The following MDGA2 variants were observed in gnomAD, a reference collection of about 807,000 sequenced individuals.
The protein encoded by MDGA2 is MAM domain-containing glycosylphosphatidylinositol anchor protein 2.
A neutral mutation model predicts 117.8 loss-of-function variants in MDGA2; 40 were observed. The observed-to-expected ratio is 0.34, with a 90% CI of 0.26 to 0.44. The LOEUF (loss-of-function observed/expected upper bound fraction) is 0.44. Ranked by LOEUF, MDGA2 falls within the 20% of genes least tolerant of loss-of-function variation. The pLI, the probability that MDGA2 is intolerant of heterozygous loss-of-function variation, is 1.00. For synonymous variants in MDGA2, 452 were observed against 439.0 expected (o/e 1.03, Z -0.37); for missense variants, 1,123 against 1,250.6 (o/e 0.90, Z 1.54).
chr14:47,133,696 A>T (rs1882318500), intron 4 of MDGA2, among the ~76,000 whole-genome samples: 1 of 151,948 alleles, frequency 6.6e-6, no homozygotes, highest in Admixed American at 6.6e-5. Flanking sequence ...AACATATCCT[A>T]AATTGAACTT....
intron 8 of MDGA2, among the ~76,000 whole-genome samples, chr14:46,978,805 T>C (rs1436822189): frequency 6.6e-6 from 1 of 152,162 alleles, no homozygotes; most frequent in East Asian, 1.9e-4. Flanking sequence ...TATATCTCCA[T>C]TCACATTCAG....
intron 1 of MDGA2, among the ~76,000 whole-genome samples, chr14:47,412,775 C>A (rs368850760): frequency 6.6e-6 from 1 of 152,176 alleles, no homozygotes. Context: ...TTTTCAGATG[C>A]TATTGAGGTA....
At chr14:47,031,341 T>C (rs754468845) in intron 8 of MDGA2, among the ~76,000 whole-genome samples, 11 of 152,110 alleles carry the variant, frequency 7.2e-5, no homozygotes, top group Admixed American at 1.3e-4. Flanking sequence ...TATTGTTTAA[T>C]TGGACGCAAG....
At chr14:47,100,241 T>A (rs149442576) in intron 5 of MDGA2, among the ~76,000 whole-genome samples, 1,819 of 152,204 alleles carry the variant, frequency 0.012, 39 homozygotes, top group African/African-American at 0.042. Flanking sequence ...GGGCAAAAGG[T>A]ACTATATCTA....
At chr14:47,338,881 G>A (rs1181656597) in intron 1 of MDGA2, among the ~76,000 whole-genome samples, 2 of 152,070 alleles carry the variant, frequency 1.3e-5, no homozygotes, top group African/African-American at 2.4e-5. Flanking sequence ...GCAACATTAA[G>A]GATACGTAGT....
At chr14:46,985,425 T>C (rs1390862784) in intron 8 of MDGA2, among the ~76,000 whole-genome samples, 1 of 152,060 alleles carries the variant, frequency 6.6e-6, no homozygotes, top group Non-Finnish European at 1.5e-5. Context: ...CACATTTATA[T>C]GTAATCATAC....
intron 3 of MDGA2, among the ~76,000 whole-genome samples, chr14:47,173,513 G>T (rs1023939032): frequency 1.3e-5 from 2 of 152,114 alleles, no homozygotes; most frequent in African/African-American, 2.4e-5. Context: ...TTAAAGAAAA[G>T]AATTTTCAAC....
intron 14 of MDGA2, among the ~76,000 whole-genome samples, chr14:46,864,219 T>TGA (rs1881632359): frequency 6.6e-6 from 1 of 151,214 alleles, no homozygotes; most frequent in African/African-American, 2.4e-5. Flanking sequence ...TGCATTGATG[T>TGA]GAGGGTGGTT....
chr14:47,109,310 A>G (rs1366318532), intron 5 of MDGA2, among the ~76,000 whole-genome samples: 1 of 152,198 alleles, frequency 6.6e-6, no homozygotes, highest in Non-Finnish European at 1.5e-5. Flanking sequence ...TAAACCAGTC[A>G]TCAGGCAATT....
chr14:46,875,514 T>C (rs777090172), intron 12 of MDGA2, among the ~76,000 whole-genome samples: 1 of 151,742 alleles, frequency 6.6e-6, no homozygotes, highest in Non-Finnish European at 1.5e-5. Context: ...AATAAATTTC[T>C]GAATAAACAT....
At chr14:47,441,520 ATCTAAC>A (rs1893010954) in intron 1 of MDGA2, among the ~76,000 whole-genome samples, 4 of 152,288 alleles carry the variant, frequency 2.6e-5, no homozygotes, top group African/African-American at 7.2e-5. Flanking sequence ...TTAAGAGATA[ATCTAAC>A]TCTAATTACC....
intron 1 of MDGA2, among the ~76,000 whole-genome samples, chr14:47,635,500 T>G (rs1231254550): frequency 6.6e-6 from 1 of 152,132 alleles, no homozygotes; most frequent in Non-Finnish European, 1.5e-5. Context: ...AAAAAGTTGC[T>G]CCAGTAGACA....
At chr14:47,529,116 A>G (rs1418982457) in intron 1 of MDGA2, among the ~76,000 whole-genome samples, 1 of 151,764 alleles carries the variant, frequency 6.6e-6, no homozygotes, top group Non-Finnish European at 1.5e-5. Flanking sequence ...CTCCTGTCTC[A>G]GCCTCCTGAG....
At chr14:47,479,775 CTAAT>C (rs1199963434) in intron 1 of MDGA2, among the ~76,000 whole-genome samples, 1 of 151,970 alleles carries the variant, frequency 6.6e-6, no homozygotes, top group Non-Finnish European at 1.5e-5. Flanking sequence ...TTTCCAGATA[CTAAT>C]TATTTATAAC....
intron 1 of MDGA2, among the ~76,000 whole-genome samples, chr14:47,595,696 T>C (rs1163323267): frequency 6.6e-6 from 1 of 152,030 alleles, no homozygotes; most frequent in African/African-American, 2.4e-5. Context: ...GGAGCCACCC[T>C]CAGCCATGAA....
chr14:47,245,171 A>G (rs996343962), intron 2 of MDGA2, among the ~76,000 whole-genome samples: 1 of 151,708 alleles, frequency 6.6e-6, no homozygotes, highest in Non-Finnish European at 1.5e-5. Flanking sequence ...CTACAGGCAC[A>G]TGCCATCATG....
At chr14:47,457,096 C>G (rs1893370990) in intron 1 of MDGA2, among the ~76,000 whole-genome samples, 1 of 152,084 alleles carries the variant, frequency 6.6e-6, no homozygotes, top group Non-Finnish European at 1.5e-5. Context: ...GTCAAAAGGT[C>G]TGAATTAGCT....
At chr14:47,530,872 G>C (rs796670327) in intron 1 of MDGA2, among the ~76,000 whole-genome samples, 37 of 152,154 alleles carry the variant, frequency 2.4e-4, no homozygotes, top group Middle Eastern at 3.4e-3. Flanking sequence ...TTTTTCTAGT[G>C]TTCACCTTAC....
intron 9 of MDGA2, among the ~76,000 whole-genome samples, chr14:46,949,549 A>G (rs936320887): frequency 1.3e-5 from 2 of 151,652 alleles, no homozygotes; most frequent in African/African-American, 4.8e-5. Context: ...TATTATTTCC[A>G]TCTTTATGTC....
Sources: allele counts gnomAD v4.1 joint callset (sites outside exome capture counted in the v4.1 genomes callset), GRCh38; gene constraint gnomAD v4.1.1; transcripts MANE v1.5; gene names NCBI Gene and HGNC (gene_info 2026-07-23, HGNC 2026-07-21).